LINGO2: variants seen among roughly 807,000 people sequenced by gnomAD.
LINGO2 encodes the protein leucine-rich repeat and immunoglobulin-like domain-containing nogo receptor-interacting protein 2.
Under a neutral mutation model 30.6 loss-of-function variants are expected in LINGO2, and 14 were observed. The observed-to-expected ratio is 0.46, with a 90% CI of 0.30 to 0.72. LINGO2 has a LOEUF of 0.72. Among genes scored for constraint, LINGO2 ranks in the 30% least tolerant of loss-of-function variants. LINGO2 has a pLI of 0.07. For missense variants in LINGO2, 729 were observed against 751.7 expected, an observed-to-expected ratio of 0.97 and a Z score of 0.35; for synonymous variants, 317 against 288.5, an observed-to-expected ratio of 1.10 and a Z score of -1.00.
At chr9:28,681,900 T>A in the LINGO2 span, among the ~76,000 whole-genome samples, 1 of 152,098 alleles carries the variant, frequency 6.6e-6, no homozygotes, top group Non-Finnish European at 1.5e-5. Flanking sequence ...CAACCAACTA[T>A]AAAATAATTT....
intron 1 of LINGO2, among the ~76,000 whole-genome samples, chr9:28,565,501 A>ATT (rs397893182): frequency 0.03 from 4,164 of 139,114 alleles, 85 homozygotes; most frequent in Non-Finnish European, 0.044. Context: ...AATTATTTTT[A>ATT]TTTTTTTTTT....
chr9:29,099,665 A>T, the LINGO2 span, among the ~76,000 whole-genome samples: 1 of 152,220 alleles, frequency 6.6e-6, no homozygotes. Flanking sequence ...AGAGAATGCA[A>T]ATCAAACTAA....
At chr9:28,019,648 CTAATT>C (rs1823016705) in intron 4 of LINGO2, among the ~76,000 whole-genome samples, 1 of 151,960 alleles carries the variant, frequency 6.6e-6, no homozygotes, top group Non-Finnish European at 1.5e-5. Flanking sequence ...TGGCCTATTC[CTAATT>C]TATTCTTTTT....
chr9:28,873,184 C>T, the LINGO2 span, among the ~76,000 whole-genome samples: 1 of 151,942 alleles, frequency 6.6e-6, no homozygotes, highest in African/African-American at 2.4e-5. Context: ...GCCTGGCCAG[C>T]ATGGTGAAAC....
intron 5 of LINGO2, among the ~76,000 whole-genome samples, chr9:27,987,253 A>T (rs1284964658): frequency 4.6e-5 from 7 of 151,790 alleles, no homozygotes; most frequent in African/African-American, 1.7e-4. Flanking sequence ...ATGTGGCTAA[A>T]TATGTCTGTA....
At chr9:28,241,125 T>G (rs2133972741) in intron 4 of LINGO2, among the ~76,000 whole-genome samples, 1 of 150,884 alleles carries the variant, frequency 6.6e-6, no homozygotes, top group East Asian at 2.0e-4. Context: ...AAACATTAGC[T>G]GGGTGTGATG....
the LINGO2 span, among the ~76,000 whole-genome samples, chr9:28,825,250 A>G: frequency 6.6e-6 from 1 of 152,092 alleles, no homozygotes; most frequent in Non-Finnish European, 1.5e-5. Context: ...TTTCTTGACT[A>G]CAATGGATGT....
the LINGO2 span, among the ~76,000 whole-genome samples, chr9:28,682,506 T>C: frequency 6.6e-6 from 1 of 152,174 alleles, no homozygotes; most frequent in Non-Finnish European, 1.5e-5. Flanking sequence ...TGCTTAGGAA[T>C]CTTGAGGAGG....
intron 4 of LINGO2, among the ~76,000 whole-genome samples, chr9:28,077,148 A>G (rs182180912): frequency 4.6e-5 from 7 of 152,270 alleles, no homozygotes; most frequent in Non-Finnish European, 8.8e-5. Flanking sequence ...ATGTGGTCAG[A>G]AAAATAAAAA....
At chr9:27,998,121 A>G (rs1025859864) in intron 5 of LINGO2, among the ~76,000 whole-genome samples, 6 of 152,184 alleles carry the variant, frequency 3.9e-5, no homozygotes, top group Admixed American at 1.3e-4. Context: ...TTGAAAGGTA[A>G]GGTCTGTTTC....
At chr9:28,527,710 C>T (rs375044576) in intron 1 of LINGO2, among the ~76,000 whole-genome samples, 17 of 152,236 alleles carry the variant, frequency 1.1e-4, no homozygotes, top group African/African-American at 3.6e-4. Context: ...CCTCAGAGCA[C>T]CACAACCTGG....
the LINGO2 span, among the ~76,000 whole-genome samples, chr9:29,073,563 T>C: frequency 6.6e-6 from 1 of 152,220 alleles, no homozygotes; most frequent in Non-Finnish European, 1.5e-5. Flanking sequence ...CGTCAACAAA[T>C]GAAGTTTTAT....
chr9:28,158,083 T>C (rs1828185613), intron 4 of LINGO2, among the ~76,000 whole-genome samples: 1 of 152,180 alleles, frequency 6.6e-6, no homozygotes, highest in Non-Finnish European at 1.5e-5. Context: ...CAATTTACTA[T>C]ATTAGTCCAT....
intron 1 of LINGO2, among the ~76,000 whole-genome samples, chr9:28,528,807 T>C (rs553635821): frequency 1.1e-4 from 17 of 152,252 alleles, no homozygotes; most frequent in African/African-American, 3.8e-4. Flanking sequence ...TCCACATATA[T>C]ATACACATAT....
chr9:28,441,014 G>A (rs571809934), intron 2 of LINGO2, among the ~76,000 whole-genome samples: 46 of 152,186 alleles, frequency 3.0e-4, no homozygotes, highest in South Asian at 1.2e-3. Context: ...AGGGTGGGGC[G>A]TAATGAGAGA....
intron 1 of LINGO2, among the ~76,000 whole-genome samples, chr9:28,585,442 T>A (rs1587912071): frequency 6.6e-6 from 1 of 151,988 alleles, no homozygotes; most frequent in East Asian, 1.9e-4. Context: ...TTAAAATGGT[T>A]CAACTTAGGA....
At chr9:28,706,509 A>T in the LINGO2 span, among the ~76,000 whole-genome samples, 1 of 152,190 alleles carries the variant, frequency 6.6e-6, no homozygotes, top group African/African-American at 2.4e-5. Flanking sequence ...ACAAAACTAG[A>T]AAACTTGTTT....
the LINGO2 span, among the ~76,000 whole-genome samples, chr9:28,902,909 C>T: frequency 2.0e-5 from 3 of 150,674 alleles, no homozygotes; most frequent in Non-Finnish European, 4.4e-5. Context: ...GCGATAAACA[C>T]CTACATAAAA....
the LINGO2 span, among the ~76,000 whole-genome samples, chr9:29,171,002 T>C: frequency 1.5e-4 from 23 of 152,118 alleles, no homozygotes. Flanking sequence ...TTAATAATCC[T>C]TTTCTTTTCT....
Sources: allele counts gnomAD v4.1 joint callset (sites outside exome capture counted in the v4.1 genomes callset), GRCh38; gene constraint gnomAD v4.1.1; transcripts MANE v1.5; gene names NCBI Gene and HGNC (gene_info 2026-07-23, HGNC 2026-07-21).